SLC24A2: variants seen among roughly 807,000 people sequenced by gnomAD.
The protein encoded by SLC24A2 is sodium/potassium/calcium exchanger 2.
SLC24A2 carries 36 observed loss-of-function variants against 62.0 expected under a neutral mutation model. That is an observed-to-expected ratio of 0.58 (90% CI 0.44 to 0.77). The LOEUF (loss-of-function observed/expected upper bound fraction) is 0.77. Among genes scored for constraint, SLC24A2 ranks in the 30% least tolerant of loss-of-function variants. SLC24A2 has a pLI of 0.00. For synonymous variants in SLC24A2, 358 were observed against 294.0 expected, an observed-to-expected ratio of 1.22 and a Z score of -2.23; for missense variants, 846 against 817.9, an observed-to-expected ratio of 1.03 and a Z score of -0.42.
chr9:19,915,424 T>A, the SLC24A2 span, among the ~76,000 whole-genome samples: 2 of 152,160 alleles, frequency 1.3e-5, no homozygotes, highest in Non-Finnish European at 2.9e-5. Context: ...TGAACATATA[T>A]TTTCAATTCT....
chr9:19,602,283 C>G (rs986223838), intron 4 of SLC24A2, among the ~76,000 whole-genome samples: 1 of 152,154 alleles, frequency 6.6e-6, no homozygotes, highest in Non-Finnish European at 1.5e-5. Context: ...ACATATAGAA[C>G]CCATCATTCT....
chr9:20,262,129 A>G, the SLC24A2 span, among the ~76,000 whole-genome samples: 734 of 152,288 alleles, frequency 4.8e-3, 5 homozygotes, highest in African/African-American at 0.016. Context: ...GGCAGCCCCA[A>G]AAAGAGAAAT....
chr9:19,823,774 C>T, the SLC24A2 span, among the ~76,000 whole-genome samples: 1 of 152,264 alleles, frequency 6.6e-6, no homozygotes, highest in South Asian at 2.1e-4. Context: ...TCAAACTATA[C>T]TACAAGGCTA....
the SLC24A2 span, among the ~76,000 whole-genome samples, chr9:20,106,327 A>T: frequency 6.6e-6 from 1 of 152,212 alleles, no homozygotes; most frequent in African/African-American, 2.4e-5. Flanking sequence ...AAAAAGAGGG[A>T]ATACTCCCTA....
At chr9:20,117,038 T>A in the SLC24A2 span, among the ~76,000 whole-genome samples, 2 of 152,102 alleles carry the variant, frequency 1.3e-5, no homozygotes, top group African/African-American at 4.8e-5. Flanking sequence ...GGAAATCCAG[T>A]CTCTCACCTT....
chr9:20,163,762 C>T, the SLC24A2 span, among the ~76,000 whole-genome samples: 2,932 of 151,980 alleles, frequency 0.019, 54 homozygotes, highest in African/African-American at 0.049. Context: ...CAAAACAGCA[C>T]GGTACTGGTA....
chr9:20,142,558 T>A, the SLC24A2 span, among the ~76,000 whole-genome samples: 41,131 of 152,008 alleles, frequency 0.27, 6,956 homozygotes, highest in Non-Finnish European at 0.39. Context: ...CTCTCTCAAA[T>A]GCCTCATTTC....
intron 5 of SLC24A2, among the ~76,000 whole-genome samples, chr9:19,593,075 T>C (rs915309796): frequency 4.6e-5 from 7 of 152,246 alleles, no homozygotes; most frequent in African/African-American, 1.4e-4. Flanking sequence ...TAAGACAGGT[T>C]GTCATCTTGG....
the SLC24A2 span, among the ~76,000 whole-genome samples, chr9:20,209,353 C>A: frequency 1.3e-5 from 2 of 152,154 alleles, no homozygotes; most frequent in African/African-American, 2.4e-5. Flanking sequence ...AGCCAAACAG[C>A]CATGCAAGAA....
the SLC24A2 span, among the ~76,000 whole-genome samples, chr9:20,176,135 GT>G: frequency 2.0e-5 from 3 of 151,984 alleles, no homozygotes; most frequent in African/African-American, 7.2e-5. Flanking sequence ...TAAAAGCTAG[GT>G]TTTTCAGGTT....
At chr9:19,918,435 T>C in the SLC24A2 span, among the ~76,000 whole-genome samples, 1 of 151,452 alleles carries the variant, frequency 6.6e-6, no homozygotes, top group Admixed American at 6.6e-5. Context: ...TCTTCTATGC[T>C]TTGAGAATGT....
chr9:20,073,097 C>T, the SLC24A2 span, among the ~76,000 whole-genome samples: 11 of 152,236 alleles, frequency 7.2e-5, no homozygotes, highest in East Asian at 1.5e-3. Context: ...GTATTATCTC[C>T]GTTTTTGTAG....
At chr9:19,606,616 AAT>A (rs769582021) in intron 4 of SLC24A2, among the ~76,000 whole-genome samples, 7 of 152,194 alleles carry the variant, frequency 4.6e-5, no homozygotes, top group Non-Finnish European at 8.8e-5. Flanking sequence ...TTGCAATGGA[AAT>A]ATGTTTCGTA....
At chr9:20,260,508 A>C in the SLC24A2 span, among the ~76,000 whole-genome samples, 5 of 152,232 alleles carry the variant, frequency 3.3e-5, no homozygotes, top group African/African-American at 9.6e-5. Context: ...ATACAATTAG[A>C]TATCAATTTT....
chr9:19,645,999 C>T (rs757720989), intron 2 of SLC24A2, among the ~76,000 whole-genome samples: 1 of 152,194 alleles, frequency 6.6e-6, no homozygotes, highest in Non-Finnish European at 1.5e-5. Context: ...CTGGCTACAG[C>T]TTCTCCACTG....
chr9:19,926,599 G>T, the SLC24A2 span: 1 of 151,828 alleles, frequency 6.6e-6, no homozygotes. Context: ...AAAAACAAAA[G>T]AAAGAAGGAA....
chr9:19,640,148 A>T (rs1333880454), intron 2 of SLC24A2, among the ~76,000 whole-genome samples: 2 of 152,228 alleles, frequency 1.3e-5, no homozygotes, highest in African/African-American at 4.8e-5. Flanking sequence ...TAACATATTT[A>T]AGCAGTCAAA....
chr9:20,236,824 G>T, the SLC24A2 span, among the ~76,000 whole-genome samples: 12 of 152,228 alleles, frequency 7.9e-5, no homozygotes, highest in African/African-American at 2.9e-4. Context: ...GCTTGTCAGG[G>T]CACTTGTACC....
rs113612420 is a variant in SLC24A2, at chr9:19,529,619, G to A, written c.1480-1481C>T. Reference sequence around the variant, plus strand: ...ACCTTACCCTCAAATGCTTTTCCCTGCTCCCTTTCTTTCTTAGAAGAAAAA... The same window carrying A: ...ACCTTACCCTCAAATGCTTTTCCCTACTCCCTTTCTTTCTTAGAAGAAAAA... On this transcript the variant is annotated intron_variant, in intron 8 of 10. Coordinates refer to ENST00000341998, the MANE Select transcript of SLC24A2 (RefSeq NM_020344.4). Among the ~76,000 whole-genome samples, 508 of 151,964 alleles carry A rather than the reference G, an allele frequency of 3.3e-3. 3 individuals carry two copies. The highest frequency in any genetic ancestry group is 0.012 in the African/African-American group (489 of 41,438).
Sources: gnomAD v4.1 joint callset for allele counts (sites outside exome capture counted in the v4.1 genomes callset) on GRCh38, gnomAD v4.1.1 for gene constraint, MANE v1.5 for transcripts, NCBI Gene and HGNC (gene_info 2026-07-23, HGNC 2026-07-21) for gene names.